Variants in SRGAP1 observed in about 807,000 individuals in gnomAD.
SRGAP1 encodes SLIT-ROBO Rho GTPase-activating protein 1.
In SRGAP1, 43 loss-of-function variants were observed where a neutral mutation model predicts 121.9. The observed-to-expected ratio is 0.35, with a 90% confidence interval of 0.28 to 0.46. The LOEUF (loss-of-function observed/expected upper bound fraction) is 0.46. Ranked by LOEUF, SRGAP1 falls within the 20% of genes least tolerant of loss-of-function variation. The pLI is 1.00. For missense variants in SRGAP1, 1,102 were observed against 1,350.9 expected, an observed-to-expected ratio of 0.82 and a Z score of 2.89; for synonymous variants, 447 against 485.4, an observed-to-expected ratio of 0.92 and a Z score of 1.04.
chr12:63,964,788 A>G (rs780156238), intron 1 of SRGAP1, among the ~76,000 whole-genome samples: 1 of 152,184 alleles, frequency 6.6e-6, no homozygotes, highest in Non-Finnish European at 1.5e-5. Context: ...GTCTTCATCC[A>G]ATTTAACTGT....
intron 4 of SRGAP1, 144 bp downstream of exon 4, chr12:64,017,156 T>TAC (rs2034425590): frequency 3.8e-6 from 2 of 526,420 alleles, no homozygotes; most frequent in Non-Finnish European, 6.7e-6. Context: ...GGGATAGGTA[T>TAC]ACACAGCTAC....
chr12:63,964,771 T>C (rs772292392), intron 1 of SRGAP1, among the ~76,000 whole-genome samples: 3 of 152,226 alleles, frequency 2.0e-5, no homozygotes, highest in Non-Finnish European at 4.4e-5. Flanking sequence ...TGTATTAAAA[T>C]GATGGTGTCT....
In SRGAP1 at chr12:64,024,770, T is replaced by C. The variant is rs1001565238; in HGVS notation, c.489+7758T>C. Among the ~76,000 whole-genome samples the C allele has an allele frequency of 2.6e-5, 4 of 152,268 alleles. No homozygotes were observed. The South Asian group carries it at 8.3e-4, about 32-fold the overall frequency. Reference sequence around the variant, plus strand: ...ACTTACAGTCATGGCAGAAGGCACCTCTTCATAGGGCATCAGGAGAGAGAA... The same window carrying C: ...ACTTACAGTCATGGCAGAAGGCACCCCTTCATAGGGCATCAGGAGAGAGAA... On this transcript the variant is annotated intron_variant, in intron 4 of 21. Coordinates refer to ENST00000355086, the MANE Select transcript of SRGAP1 (RefSeq NM_020762.4).
At chr12:64,112,088 C>A in intron 17 of SRGAP1, 102 bp downstream of exon 17, 1 of 904,300 alleles carries the variant, frequency 1.1e-6, no homozygotes, top group Non-Finnish European at 1.7e-6. Context: ...ACCAATGCTT[C>A]CAACTTAAAA....
At chr12:64,014,814 CTTCTT>C (rs1465001732) in intron 3 of SRGAP1, among the ~76,000 whole-genome samples, 1 of 151,904 alleles carries the variant, frequency 6.6e-6, no homozygotes, top group African/African-American at 2.4e-5. Context: ...GAAATATTTT[CTTCTT>C]TTCTTTTTCT....
At chr12:64,019,189 T>G (rs1316265421) in intron 4 of SRGAP1, among the ~76,000 whole-genome samples, 1 of 152,236 alleles carries the variant, frequency 6.6e-6, no homozygotes, top group East Asian at 1.9e-4. Flanking sequence ...CTGAAAATTT[T>G]ATCTCAGTGA....
At chr12:63,958,052 T>C (rs1478137742) in intron 1 of SRGAP1, among the ~76,000 whole-genome samples, 1 of 138,658 alleles carries the variant, frequency 7.2e-6, no homozygotes, top group Non-Finnish European at 1.5e-5. Context: ...TGAAACTAGC[T>C]TCTTTTCTGG....
chr12:64,045,463 T>G lies in SRGAP1; in HGVS notation c.801+1888T>G, dbSNP rs112271152. 2.6e-3 allele frequency among the ~76,000 whole-genome samples: 395 copies of G among 150,226 alleles called. 2 individuals carry two copies. The highest frequency in any genetic ancestry group is 9.1e-3 in the African/African-American group (373 of 40,820). On this transcript the variant is annotated intron_variant, in intron 6 of 21. Transcript: ENST00000355086. ...TTTTTTTTTTTTTTCTGAGATGGAG[T>G]CTCACTCTGTCACGTAGGCTGGAGT...
At chr12:64,044,440 C>G (rs1020768402) in intron 6 of SRGAP1, among the ~76,000 whole-genome samples, 2 of 152,106 alleles carry the variant, frequency 1.3e-5, no homozygotes, top group African/African-American at 4.8e-5. Flanking sequence ...GAATTTTATT[C>G]ATATACTGCT....
chr12:64,050,427 A>G (rs539315614), intron 6 of SRGAP1, among the ~76,000 whole-genome samples: 1 of 146,128 alleles, frequency 6.8e-6, no homozygotes, highest in South Asian at 2.3e-4. Context: ...TAAGATCATC[A>G]TTGTTAAAGC....
At chr12:64,010,949 A>G (rs531764964) in intron 3 of SRGAP1, among the ~76,000 whole-genome samples, 1 of 151,804 alleles carries the variant, frequency 6.6e-6, no homozygotes, top group East Asian at 1.9e-4. Flanking sequence ...AAGGAAGGAA[A>G]GACCTAATCT....
Position 64,152,306 on chromosome 12 carries a change from G to C in SRGAP1, c.*9634G>C, listed in dbSNP as rs896448785. 1 of 152,174 alleles carries C rather than the reference G, an allele frequency of 6.6e-6. No individual in the cohort carries two copies. Among genetic ancestry groups the C allele is most frequent in the African/African-American group, 2.4e-5 (1 of 41,440 alleles). 9.4% of individuals were successfully genotyped at this position (152,174 alleles called of 1,614,324 possible). On this transcript the variant is annotated 3_prime_UTR_variant, in exon 22 of 22. Transcript: ENST00000355086. ...CTGGTCACACAGCTAGATAGTGACAGAGCAGGATTTGATTCCACGCCATCT... is the reference window on the plus strand; with the variant it reads ...CTGGTCACACAGCTAGATAGTGACACAGCAGGATTTGATTCCACGCCATCT...
rs148268576 is a variant in SRGAP1, at chr12:64,136,057, C to T, written c.2881-6238C>T. On this transcript the variant is annotated intron_variant, in intron 21 of 21. Coordinates refer to ENST00000355086, the MANE Select transcript of SRGAP1 (RefSeq NM_020762.4). Reference sequence around the variant, plus strand: ...CACGTTCTTCTGTTTGCTTTATATTCGCTGGCATCTGATTAGATGGTGCCC... The same window carrying T: ...CACGTTCTTCTGTTTGCTTTATATTTGCTGGCATCTGATTAGATGGTGCCC... Among the ~76,000 whole-genome samples, 1,249 of 152,306 alleles carry T rather than the reference C, an allele frequency of 8.2e-3. 16 individuals are homozygous for T. The highest frequency in any genetic ancestry group is 0.028 in the African/African-American group (1,163 of 41,556).
chr12:64,055,656 A>T (rs193049794), intron 6 of SRGAP1, among the ~76,000 whole-genome samples: 28 of 152,242 alleles, frequency 1.8e-4, no homozygotes. Context: ...CAAAACAGAG[A>T]TATAGATCAA....
chr12:63,860,588 C>T (rs1004432631), intron 1 of SRGAP1, among the ~76,000 whole-genome samples: 6 of 152,158 alleles, frequency 3.9e-5, no homozygotes, highest in African/African-American at 1.4e-4. Flanking sequence ...AAATTGTTTA[C>T]AGCATCCTTT....
chr12:63,846,881 C>T (rs994401459), intron 1 of SRGAP1, among the ~76,000 whole-genome samples: 3 of 152,158 alleles, frequency 2.0e-5, no homozygotes, highest in Admixed American at 2.0e-4. Context: ...TACTTCTAGG[C>T]AAATCAAGAA....
intron 21 of SRGAP1, among the ~76,000 whole-genome samples, chr12:64,142,000 A>T (rs10747998): frequency 4.0e-5 from 6 of 151,878 alleles, no homozygotes; most frequent in Admixed American, 6.6e-5. Context: ...AAAGAAAAAA[A>T]TTTTTTTTTA....
intron 1 of SRGAP1, among the ~76,000 whole-genome samples, chr12:63,849,783 G>T (rs1252997570): frequency 6.6e-6 from 1 of 152,206 alleles, no homozygotes; most frequent in Non-Finnish European, 1.5e-5. Flanking sequence ...ATTACATGAT[G>T]CAGGGAGGCT....
At position 64,151,031 on chromosome 12, in the gene SRGAP1, T is replaced by C. The variant is rs2037115410; in HGVS notation, c.*8359T>C. On this transcript the variant is annotated 3_prime_UTR_variant, in exon 22 of 22. Coordinates refer to ENST00000355086, the MANE Select transcript of SRGAP1 (RefSeq NM_020762.4). ...GTAAGCCCAAAGATTGTTACTGTGT[T>C]AGTAACTAAATATTACGAGATGCAT... is the stretch of plus-strand genomic sequence containing the variant. 1 of 150,472 alleles carries C rather than the reference T, an allele frequency of 6.6e-6. No homozygotes were observed. The highest frequency in any genetic ancestry group is 2.4e-5 in the African/African-American group (1 of 41,054). The allele number at this position is 150,472 out of a possible 1,614,324, so 9.3% of individuals were successfully genotyped here.
Sources: allele counts gnomAD v4.1 joint callset (sites outside exome capture counted in the v4.1 genomes callset), GRCh38; gene constraint gnomAD v4.1.1; transcripts MANE v1.5; gene names NCBI Gene and HGNC (gene_info 2026-07-23, HGNC 2026-07-21).